The following PTPRT variants were observed in gnomAD, a reference collection of about 807,000 sequenced individuals.
The protein encoded by PTPRT is protein tyrosine phosphatase receptor type T.
A neutral mutation model predicts 176.8 loss-of-function variants in PTPRT; 56 were observed. The observed-to-expected ratio is 0.32, with a 90% CI of 0.26 to 0.40. The LOEUF is 0.40. PTPRT is among the 10% of genes least tolerant of loss of function. PTPRT has a pLI of 1.00. For missense variants in PTPRT, 1,540 were observed against 1,908.2 expected (o/e 0.81, Z 3.60); for synonymous variants, 783 against 739.0 (o/e 1.06, Z -0.96).
At chr20:42,209,638 A>T (rs1384782249) in intron 15 of PTPRT, among the ~76,000 whole-genome samples, 30 of 152,064 alleles carry the variant, frequency 2.0e-4, no homozygotes, top group Non-Finnish European at 4.4e-5. Context: ...CAGGATCTGA[A>T]ATTGTGGCAA....
chr20:42,227,280 A>G (rs1600701761), intron 15 of PTPRT, among the ~76,000 whole-genome samples: 1 of 152,178 alleles, frequency 6.6e-6, no homozygotes, highest in Non-Finnish European at 1.5e-5. Flanking sequence ...CAGTTGGAGC[A>G]GTGGCTAAAG....
the PTPRT span, among the ~76,000 whole-genome samples, chr20:42,037,760 A>G: frequency 6.6e-6 from 1 of 152,178 alleles, no homozygotes; most frequent in Non-Finnish European, 1.5e-5. Context: ...GTGAAGATAG[A>G]TAACTGAAGG....
intron 1 of PTPRT, among the ~76,000 whole-genome samples, chr20:43,061,519 G>A (rs1987460123): frequency 1.3e-5 from 2 of 152,204 alleles, no homozygotes; most frequent in African/African-American, 4.8e-5. Flanking sequence ...CATCTTTTAA[G>A]TATGTGTCCT....
intron 9 of PTPRT, among the ~76,000 whole-genome samples, chr20:42,420,550 T>C (rs1200260908): frequency 6.6e-6 from 1 of 152,208 alleles, no homozygotes. Flanking sequence ...TGTTGTGTTA[T>C]GTTCTCTTCC....
In PTPRT at chr20:42,086,784, G is replaced by A. The variant is rs1321156760; in HGVS notation, c.3847-931C>T. Among the ~76,000 whole-genome samples the A allele has an allele frequency of 5.6e-5, 7 of 125,926 alleles. 1 individual carries two copies. The highest frequency in any genetic ancestry group is 9.8e-5 in the Non-Finnish European group (6 of 61,238). 82.6% of individuals were successfully genotyped at this position (125,926 alleles called of 152,430 possible). The stretch of plus-strand genomic sequence containing the variant: ...TATATATATGGGTTTGACCTCAGGC[G>A]GCCTTGGGTCCAAATCTGGTCTCAG... On this transcript the variant is annotated intron_variant, in intron 27 of 30. Coordinates refer to ENST00000373187, the MANE Select transcript of PTPRT (RefSeq NM_007050.6).
the PTPRT span, among the ~76,000 whole-genome samples, chr20:42,046,121 T>C: frequency 2.0e-5 from 3 of 152,362 alleles, no homozygotes; most frequent in Non-Finnish European, 4.4e-5. Context: ...GTATAGTTGC[T>C]GGACTGGCCT....
intron 15 of PTPRT, among the ~76,000 whole-genome samples, chr20:42,214,900 T>G (rs987494437): frequency 6.6e-6 from 1 of 152,234 alleles, no homozygotes; most frequent in Admixed American, 6.5e-5. Context: ...CCATGATTTA[T>G]TAGATGTATA....
rs2014116649 is a variant in PTPRT, at chr20:43,144,706, C to A, written c.88+44940G>T. The stretch of plus-strand genomic sequence containing the variant: ...AATGATGCTAATGGGTACCTGGTTT[C>A]TTTTGGGGGTGGTGAAAACGTTCTA... On this transcript the variant is annotated intron_variant, in intron 1 of 30. Transcript: ENST00000373187. 3.3e-5 allele frequency among the ~76,000 whole-genome samples: 5 copies of A among 151,968 alleles called. No homozygotes were observed. In the South Asian group the frequency reaches 1.0e-3, roughly 32 times the overall value.
At position 42,850,287 on chromosome 20, in the gene PTPRT, C is replaced by T. The variant is rs149926196; in HGVS notation, c.214+35520G>A. 1.2e-3 allele frequency among the ~76,000 whole-genome samples: 179 copies of T among 152,314 alleles called. 1 individual carries two copies. The highest frequency in any genetic ancestry group is 4.2e-3 in the African/African-American group (176 of 41,572). ...AATACTAAAAGCGCTTCAAGCACTACCACTTCTCCTTCCCAGATTCCCAGG... is the reference window on the plus strand; with the variant it reads ...AATACTAAAAGCGCTTCAAGCACTATCACTTCTCCTTCCCAGATTCCCAGG... On this transcript the variant is annotated intron_variant, in intron 2 of 30. Transcript: ENST00000373187.
chr20:42,387,792 C>CTT (rs773081937), intron 9 of PTPRT, among the ~76,000 whole-genome samples: 28 of 135,868 alleles, frequency 2.1e-4, no homozygotes, highest in African/African-American at 5.2e-4. Context: ...TGCTAATATT[C>CTT]TTTTTTTTTT....
chr20:43,141,423 A>T (rs141780059), intron 1 of PTPRT, among the ~76,000 whole-genome samples: 72 of 152,304 alleles, frequency 4.7e-4, no homozygotes, highest in Non-Finnish European at 8.7e-4. Flanking sequence ...CGGGCCATGT[A>T]TGTCAACATC....
intron 7 of PTPRT, among the ~76,000 whole-genome samples, chr20:42,586,691 G>A (rs1031782131): frequency 6.6e-6 from 1 of 152,116 alleles, no homozygotes; most frequent in African/African-American, 2.4e-5. Flanking sequence ...ATCTTCTTAT[G>A]TCAAAGAGAG....
At chr20:42,130,901 CTTCA>C (rs1421513532) in intron 18 of PTPRT, among the ~76,000 whole-genome samples, 2 of 152,134 alleles carry the variant, frequency 1.3e-5, no homozygotes, top group African/African-American at 4.8e-5. Flanking sequence ...GCATTATCTC[CTTCA>C]ACCATTTATG....
At chr20:42,531,071 CGG>C (rs1171105240) in intron 7 of PTPRT, among the ~76,000 whole-genome samples, 1 of 152,172 alleles carries the variant, frequency 6.6e-6, no homozygotes, top group East Asian at 1.9e-4. Flanking sequence ...GACCCACCTG[CGG>C]TTTGGAAGCT....
In PTPRT at chr20:42,073,656, T is replaced by C. The variant is rs1982510555; in HGVS notation, c.*7223A>G. ...CAGCTGTTCCCTATGGTTTGCTGTT[T>C]GGTGATAACCAGCCTGGATCAGCCC... On this transcript the variant is annotated 3_prime_UTR_variant, in exon 31 of 31. Transcript: ENST00000373187. 8.9e-6 allele frequency: 2 copies of C among 225,606 alleles called. No homozygotes were observed. Among genetic ancestry groups the C allele is most frequent in the Non-Finnish European group, 8.8e-6 (1 of 113,220 alleles). The allele number at this position is 225,606 out of a possible 1,614,324, so 14.0% of individuals were successfully genotyped here.
At chr20:42,243,142 T>C (rs535629274) in intron 14 of PTPRT, among the ~76,000 whole-genome samples, 2 of 151,922 alleles carry the variant, frequency 1.3e-5, no homozygotes, top group South Asian at 2.1e-4. Flanking sequence ...CAAGAGAATG[T>C]AGAGAATCCT....
intron 8 of PTPRT, among the ~76,000 whole-genome samples, chr20:42,450,023 CA>C (rs1461526317): frequency 2.0e-5 from 3 of 152,238 alleles, no homozygotes; most frequent in Admixed American, 1.3e-4. Context: ...CTTATTTTAT[CA>C]CTAAAGAAAT....
chr20:42,292,621 A>G (rs1047014454), intron 12 of PTPRT, among the ~76,000 whole-genome samples: 1 of 152,154 alleles, frequency 6.6e-6, no homozygotes, highest in Non-Finnish European at 1.5e-5. Context: ...TTCTTTTCTG[A>G]GGTGTCTGTA....
the PTPRT span, among the ~76,000 whole-genome samples, chr20:42,054,556 G>T: frequency 6.6e-6 from 1 of 152,282 alleles, no homozygotes; most frequent in East Asian, 1.9e-4. Flanking sequence ...GCATTTCTCT[G>T]TTGGTGTCTG....
Sources: gnomAD v4.1 joint callset for allele counts (sites outside exome capture counted in the v4.1 genomes callset) on GRCh38, gnomAD v4.1.1 for gene constraint, MANE v1.5 for transcripts, NCBI Gene and HGNC (gene_info 2026-07-23, HGNC 2026-07-21) for gene names.